KCNIP4: variants seen among roughly 807,000 people sequenced by gnomAD.
KCNIP4 encodes potassium voltage-gated channel interacting protein 4.
In KCNIP4, 12 loss-of-function variants were observed where a neutral mutation model predicts 34.0. The ratio of observed to expected loss-of-function variants is 0.35; its 90% CI spans 0.23 to 0.57. KCNIP4 has a LOEUF of 0.57. Ranked by LOEUF, KCNIP4 falls within the 20% of genes least tolerant of loss-of-function variation. The probability of loss-of-function intolerance (pLI) is 0.83; values close to 1 mark genes in which losing one functional copy is unlikely to be tolerated. For synonymous variants in KCNIP4, 124 were observed against 102.2 expected (o/e 1.21, Z -1.29); for missense variants, 238 against 311.7 (o/e 0.76, Z 1.78).
At chr4:21,336,396 T>A (rs1225135969) in intron 1 of KCNIP4, among the ~76,000 whole-genome samples, 2 of 152,150 alleles carry the variant, frequency 1.3e-5, no homozygotes, top group African/African-American at 4.8e-5. Flanking sequence ...TTCCAGATAC[T>A]GAGAAATGAA....
intron 1 of KCNIP4, among the ~76,000 whole-genome samples, chr4:21,686,430 T>C (rs926954356): frequency 1.3e-5 from 2 of 152,158 alleles, no homozygotes; most frequent in African/African-American, 2.4e-5. Context: ...AAATTTCTAA[T>C]ATTAATTTAT....
chr4:21,813,448 T>C (rs917954727), intron 1 of KCNIP4, among the ~76,000 whole-genome samples: 1 of 152,190 alleles, frequency 6.6e-6, no homozygotes, highest in Non-Finnish European at 1.5e-5. Context: ...GATAGAATCA[T>C]CCATCTCTCA....
chr4:21,329,252 T>TA, intron 1 of KCNIP4, among the ~76,000 whole-genome samples: 1 of 152,184 alleles, frequency 6.6e-6, no homozygotes, highest in East Asian at 1.9e-4. Flanking sequence ...TCTACAATAT[T>TA]AAAAAATACT....
intron 3 of KCNIP4, among the ~76,000 whole-genome samples, chr4:20,803,697 G>GAGAGAA (rs1714663333): frequency 1.0e-5 from 1 of 96,818 alleles, no homozygotes; most frequent in Non-Finnish European, 2.0e-5. Context: ...GGGAGAGAGA[G>GAGAGAA]AGAGAAAGAG....
At chr4:21,237,200 T>A (rs1759431305) in intron 1 of KCNIP4, among the ~76,000 whole-genome samples, 1 of 152,142 alleles carries the variant, frequency 6.6e-6, no homozygotes, top group Admixed American at 6.6e-5. Context: ...CAAAGATTAC[T>A]TGATGCCAGA....
rs1037842322 is a variant in KCNIP4, at chr4:21,080,359, T to C, written c.62-197650A>G. Among the ~76,000 whole-genome samples the C allele has an allele frequency of 2.6e-5, 4 of 151,956 alleles. 1 individual carries two copies. Among genetic ancestry groups the C allele is most frequent in the African/African-American group, 9.7e-5 (4 of 41,262 alleles). On this transcript the variant is annotated intron_variant, in intron 1 of 8. Coordinates refer to ENST00000382152, the MANE Select transcript of KCNIP4 (RefSeq NM_025221.6). ...CACTATAGAAGTGTACGCTAATATT[T>C]TCATTATTATGCTTACCTCTACAAA...
intron 1 of KCNIP4, among the ~76,000 whole-genome samples, chr4:21,103,535 C>T (rs1314959812): frequency 6.6e-6 from 1 of 150,946 alleles, no homozygotes; most frequent in African/African-American, 2.4e-5. Context: ...AAATATACTT[C>T]CCATAAAATT....
At chr4:20,811,956 A>T (rs1715821784) in intron 3 of KCNIP4, among the ~76,000 whole-genome samples, 1 of 152,198 alleles carries the variant, frequency 6.6e-6, no homozygotes, top group Non-Finnish European at 1.5e-5. Context: ...AGATTCCCAG[A>T]AAAGAATATA....
chr4:21,854,686 AGAATT>A (rs1244234074), intron 1 of KCNIP4, among the ~76,000 whole-genome samples: 1 of 152,248 alleles, frequency 6.6e-6, no homozygotes, highest in East Asian at 1.9e-4. Flanking sequence ...AATGTTTGCT[AGAATT>A]GACTCCTAAA....
intron 1 of KCNIP4, among the ~76,000 whole-genome samples, chr4:21,477,351 G>C (rs185161225): frequency 6.6e-6 from 1 of 152,200 alleles, no homozygotes; most frequent in Admixed American, 6.5e-5. Flanking sequence ...TCATTTTATA[G>C]TCTCTCCTCT....
At chr4:20,806,792 T>C (rs1196744181) in intron 3 of KCNIP4, among the ~76,000 whole-genome samples, 2 of 152,132 alleles carry the variant, frequency 1.3e-5, no homozygotes, top group African/African-American at 4.8e-5. Context: ...GGTGAGTTAG[T>C]GTTTCCAATT....
At chr4:21,575,591 CG>C (rs1740692002) in intron 1 of KCNIP4, among the ~76,000 whole-genome samples, 1 of 151,950 alleles carries the variant, frequency 6.6e-6, no homozygotes, top group African/African-American at 2.4e-5. Flanking sequence ...TTTAGATACA[CG>C]TTTTCTGTTA....
chr4:21,480,319 CAAAT>C (rs1361346592), intron 1 of KCNIP4, among the ~76,000 whole-genome samples: 2 of 151,906 alleles, frequency 1.3e-5, no homozygotes, highest in African/African-American at 4.8e-5. Context: ...ATAAAACAAA[CAAAT>C]AAAACAGACA....
At chr4:21,866,054 G>A (rs1286156246) in intron 1 of KCNIP4, among the ~76,000 whole-genome samples, 1 of 152,010 alleles carries the variant, frequency 6.6e-6, no homozygotes, top group Non-Finnish European at 1.5e-5. Flanking sequence ...AACAAGACTA[G>A]AAGAGTTATT....
At chr4:20,880,129 A>G (rs895705381) in intron 2 of KCNIP4, among the ~76,000 whole-genome samples, 7 of 152,226 alleles carry the variant, frequency 4.6e-5, no homozygotes, top group African/African-American at 1.7e-4. Context: ...TTTGGTATTG[A>G]TATGACATAA....
chr4:21,573,654 T>C lies in KCNIP4; in HGVS notation c.61+374917A>G, dbSNP rs76961035. The stretch of plus-strand genomic sequence containing the variant: ...TTCTCTAGTACCTAAATTTATATTT[T>C]ATCTATTCTGAGACACAACTTTTTA... On this transcript the variant is annotated intron_variant, in intron 1 of 8. Transcript: ENST00000382152. Among the ~76,000 whole-genome samples the C allele has an allele frequency of 3.5e-3, 540 of 152,262 alleles. 6 individuals are homozygous for C. In the East Asian group the frequency reaches 0.06, roughly 17 times the overall value.
intron 1 of KCNIP4, among the ~76,000 whole-genome samples, chr4:21,504,649 G>T (rs115649372): frequency 0.01 from 1,531 of 152,074 alleles, 25 homozygotes; most frequent in African/African-American, 0.035. Flanking sequence ...CTGTTATCCA[G>T]TTTGAGGAAA....
At chr4:21,502,961 T>G (rs1325069279) in intron 1 of KCNIP4, among the ~76,000 whole-genome samples, 2 of 152,300 alleles carry the variant, frequency 1.3e-5, no homozygotes, top group Non-Finnish European at 2.9e-5. Flanking sequence ...TGTTTTCTAT[T>G]AAAAATGATT....
At chr4:20,945,331 C>G (rs563912395) in intron 1 of KCNIP4, among the ~76,000 whole-genome samples, 2 of 152,158 alleles carry the variant, frequency 1.3e-5, no homozygotes, top group Admixed American at 1.3e-4. Context: ...TCCAGAACAT[C>G]CCACAGCAGG....
Sources: gnomAD v4.1 joint callset for allele counts (sites outside exome capture counted in the v4.1 genomes callset) on GRCh38, gnomAD v4.1.1 for gene constraint, MANE v1.5 for transcripts, NCBI Gene and HGNC (gene_info 2026-07-23, HGNC 2026-07-21) for gene names.